The following CADPS2 variants were observed in gnomAD, a reference collection of about 807,000 sequenced individuals.
The protein encoded by CADPS2 is calcium-dependent secretion activator 2.
In CADPS2, 93 loss-of-function variants were observed where a neutral mutation model predicts 172.5. The observed-to-expected ratio is 0.54, with a 90% CI of 0.46 to 0.64. The LOEUF is 0.64. Ranked by LOEUF, CADPS2 falls within the 30% of genes least tolerant of loss-of-function variation. CADPS2 has a pLI of 0.00. For missense variants in CADPS2, 1,420 were observed against 1,565.9 expected, an observed-to-expected ratio of 0.91 and a Z score of 1.57; for synonymous variants, 546 against 555.2, an observed-to-expected ratio of 0.98 and a Z score of 0.23.
At chr7:122,603,033 A>C (rs1311481066) in intron 6 of CADPS2, among the ~76,000 whole-genome samples, 1 of 152,074 alleles carries the variant, frequency 6.6e-6, no homozygotes, top group African/African-American at 2.4e-5. Flanking sequence ...AGATCCTTTG[A>C]CGGCTACACT....
chr7:122,363,082 C>A (rs1166745010), intron 25 of CADPS2, among the ~76,000 whole-genome samples: 1 of 152,196 alleles, frequency 6.6e-6, no homozygotes, highest in African/African-American at 2.4e-5. Context: ...GTTAATTTAG[C>A]ACTTTCTTCC....
chr7:122,817,965 C>T (rs1354683104), intron 1 of CADPS2, among the ~76,000 whole-genome samples: 15 of 149,668 alleles, frequency 1.0e-4, no homozygotes, highest in African/African-American at 2.5e-4. Flanking sequence ...CCTTTATTTC[C>T]GTGCCCTGAC....
rs189567244 is a variant in CADPS2, at chr7:122,715,464, C to T, written c.453+21491G>A. Among the ~76,000 whole-genome samples, 237 of 152,114 alleles carry T rather than the reference C, an allele frequency of 1.6e-3. 5 individuals are homozygous for T. Among genetic ancestry groups the T allele is most frequent in the African/African-American group, 5.6e-3 (233 of 41,534 alleles). On this transcript the variant is annotated intron_variant, in intron 2 of 29. Transcript: ENST00000449022. ...TCTTTTATAACTGACACAGGATTTC[C>T]GTGCCTTGTAATTTAAAAGTAGCAA... is the stretch of plus-strand genomic sequence containing the variant.
At chr7:122,801,987 ATC>A (rs563784799) in intron 1 of CADPS2, among the ~76,000 whole-genome samples, 65 of 152,290 alleles carry the variant, frequency 4.3e-4, no homozygotes, top group African/African-American at 1.5e-3. Context: ...TTACTTAAAA[ATC>A]TCTCATAATA....
intron 7 of CADPS2, among the ~76,000 whole-genome samples, chr7:122,573,947 G>A (rs529826038): frequency 6.6e-6 from 1 of 151,832 alleles, no homozygotes; most frequent in African/African-American, 2.4e-5. Context: ...TATTGCACTG[G>A]GTTACTTTTG....
intron 2 of CADPS2, among the ~76,000 whole-genome samples, chr7:122,727,640 C>T (rs2091241902): frequency 6.6e-6 from 1 of 151,806 alleles, no homozygotes. Flanking sequence ...CCTCAGCTAT[C>T]CTCAAGCAAC....
intron 22 of CADPS2, among the ~76,000 whole-genome samples, chr7:122,392,949 T>C (rs1563221454): frequency 1.3e-5 from 2 of 152,094 alleles, no homozygotes; most frequent in South Asian, 2.1e-4. Flanking sequence ...GCCACCAAAT[T>C]ATTCCTGTCC....
chr7:122,402,894 A>G (rs887714348), intron 20 of CADPS2, among the ~76,000 whole-genome samples: 1 of 152,220 alleles, frequency 6.6e-6, no homozygotes, highest in Non-Finnish European at 1.5e-5. Flanking sequence ...TAAAGTTGTA[A>G]TTATTTCGAA....
chr7:122,847,815 G>A (rs1417538988), intron 1 of CADPS2, among the ~76,000 whole-genome samples: 2 of 152,106 alleles, frequency 1.3e-5, no homozygotes, highest in Non-Finnish European at 2.9e-5. Context: ...TTTCACATAT[G>A]GAAAGGAACA....
intron 1 of CADPS2, among the ~76,000 whole-genome samples, chr7:122,818,264 C>T (rs1223500520): frequency 3.9e-5 from 6 of 152,190 alleles, no homozygotes; most frequent in African/African-American, 1.4e-4. Flanking sequence ...TGACCTAAAA[C>T]CTAAATGCCT....
At chr7:122,641,200 C>A (rs754091920) in intron 3 of CADPS2, among the ~76,000 whole-genome samples, 1 of 152,022 alleles carries the variant, frequency 6.6e-6, no homozygotes, top group Non-Finnish European at 1.5e-5. Flanking sequence ...TTAAAAGGGC[C>A]GTTAATCCTT....
intron 3 of CADPS2, among the ~76,000 whole-genome samples, chr7:122,636,022 C>G (rs530301149): frequency 1.4e-4 from 21 of 152,324 alleles, no homozygotes; most frequent in Non-Finnish European, 2.4e-4. Flanking sequence ...TTGAAGACAA[C>G]AGACAGTTGG....
chr7:122,569,315 A>G (rs1432548136), intron 7 of CADPS2, among the ~76,000 whole-genome samples: 5 of 152,100 alleles, frequency 3.3e-5, no homozygotes, highest in Non-Finnish European at 7.3e-5. Flanking sequence ...TTAGGAATCC[A>G]GCTTACAAGG....
intron 1 of CADPS2, among the ~76,000 whole-genome samples, chr7:122,751,859 G>T (rs1459261024): frequency 1.3e-5 from 2 of 152,178 alleles, no homozygotes; most frequent in Non-Finnish European, 2.9e-5. Context: ...TTGGTAAAAG[G>T]TATGCCTTTG....
At chr7:122,812,270 C>T (rs910750239) in intron 1 of CADPS2, among the ~76,000 whole-genome samples, 2 of 151,894 alleles carry the variant, frequency 1.3e-5, no homozygotes, top group African/African-American at 4.8e-5. Flanking sequence ...AGCACTTATT[C>T]TGGTTAGCTA....
intron 4 of CADPS2, among the ~76,000 whole-genome samples, chr7:122,622,779 A>G (rs955827348): frequency 2.0e-5 from 3 of 152,190 alleles, no homozygotes; most frequent in Non-Finnish European, 4.4e-5. Flanking sequence ...AATGCTCCAG[A>G]AAAGCACTGC....
At chr7:122,581,866 C>G (rs2068872505) in intron 6 of CADPS2, among the ~76,000 whole-genome samples, 1 of 152,102 alleles carries the variant, frequency 6.6e-6, no homozygotes, top group Non-Finnish European at 1.5e-5. Context: ...CCACTACATT[C>G]TCTTAGGAAG....
intron 1 of CADPS2, among the ~76,000 whole-genome samples, chr7:122,849,335 CA>C (rs1264973337): frequency 6.6e-6 from 1 of 152,040 alleles, no homozygotes; most frequent in African/African-American, 2.4e-5. Flanking sequence ...CAAAAATCAC[CA>C]AAAAACATTT....
intron 8 of CADPS2, among the ~76,000 whole-genome samples, chr7:122,513,737 G>A (rs568697579): frequency 1.3e-5 from 2 of 152,302 alleles, no homozygotes; most frequent in East Asian, 3.9e-4. Flanking sequence ...CAAGAATCCA[G>A]GGTGAAGGGT....
Sources: allele counts gnomAD v4.1 joint callset (sites outside exome capture counted in the v4.1 genomes callset), GRCh38; gene constraint gnomAD v4.1.1; transcripts MANE v1.5; gene names NCBI Gene and HGNC (gene_info 2026-07-23, HGNC 2026-07-21).